Variants in WARS2 observed in about 807,000 individuals in gnomAD.
The protein encoded by WARS2 is tryptophanyl tRNA synthetase 2, mitochondrial, also known as tryptophan--tRNA ligase, mitochondrial.
Under a neutral mutation model 36.5 loss-of-function variants are expected in WARS2, and 28 were observed. The ratio of observed to expected loss-of-function variants is 0.77; its 90% CI spans 0.57 to 1.05. WARS2 has a LOEUF of 1.05. Ranked by LOEUF, WARS2 falls within the 50% of genes least tolerant of loss-of-function variation. The pLI is 0.00. For missense variants in WARS2, 435 were observed against 456.8 expected (o/e 0.95, Z 0.44); for synonymous variants, 174 against 178.4 (o/e 0.98, Z 0.20).
chr1:119,097,281 TTTATATAACAAAGTATTTTTCAAG>T (rs1200535440), intron 1 of WARS2, among the ~76,000 whole-genome samples: 11 of 152,316 alleles, frequency 7.2e-5, no homozygotes, highest in African/African-American at 1.9e-4. Flanking sequence ...GATCAGATGT[TTTATATAACAAAGTATTTTTCAAG>T]TTCTCTCATA....
chr1:119,047,982 A>G (rs928303805), intron 2 of WARS2, among the ~76,000 whole-genome samples: 1 of 152,234 alleles, frequency 6.6e-6, no homozygotes, highest in Non-Finnish European at 1.5e-5. Flanking sequence ...AACTTGGTAC[A>G]TTGCATGTCC....
intron 1 of WARS2, among the ~76,000 whole-genome samples, chr1:119,076,839 C>T (rs72707304): frequency 7.2e-5 from 11 of 152,116 alleles, no homozygotes; most frequent in Non-Finnish European, 1.3e-4. Flanking sequence ...AATGCAAAGA[C>T]ATATAAGAAA....
chr1:119,087,183 T>A (rs1571339935), intron 1 of WARS2, among the ~76,000 whole-genome samples: 1 of 152,184 alleles, frequency 6.6e-6, no homozygotes, highest in African/African-American at 2.4e-5. Context: ...ATTTGCTCCA[T>A]AGATATATTT....
At position 119,139,321 on chromosome 1, in the gene WARS2, A is replaced by G. The variant is rs143369667; in HGVS notation, c.90+1234T>C. On this transcript the variant is annotated intron_variant, in intron 1 of 5. Coordinates refer to ENST00000235521, the MANE Select transcript of WARS2 (RefSeq NM_015836.4). The stretch of plus-strand genomic sequence containing the variant: ...AGCTTATAAGAATTTTGTGAGGCTC[A>G]CATTAATAAAAAACGGAAGTTCAAA... Among the ~76,000 whole-genome samples, 1,176 of 152,354 alleles carry G rather than the reference A, an allele frequency of 7.7e-3. 13 individuals carry two copies. Among genetic ancestry groups the G allele is most frequent in the African/African-American group, 0.027 (1,117 of 41,576 alleles).
intron 3 of WARS2, among the ~76,000 whole-genome samples, chr1:119,044,891 A>C (rs1277307547): frequency 6.6e-6 from 1 of 152,152 alleles, no homozygotes; most frequent in Non-Finnish European, 1.5e-5. Flanking sequence ...TGTCACTTTA[A>C]AGCTTTATCT....
chr1:119,044,794 C>A (rs866236435), intron 3 of WARS2, among the ~76,000 whole-genome samples: 1 of 152,286 alleles, frequency 6.6e-6, no homozygotes, highest in East Asian at 1.9e-4. Flanking sequence ...CTCACAAAGG[C>A]CCTACCTCCT....
intron 2 of WARS2, among the ~76,000 whole-genome samples, chr1:119,049,860 A>G (rs1467839063): frequency 1.3e-5 from 2 of 152,204 alleles, no homozygotes; most frequent in East Asian, 3.8e-4. Context: ...AGTGTGAGAC[A>G]CCATCAATCC....
intron 1 of WARS2, among the ~76,000 whole-genome samples, chr1:119,084,181 AT>A (rs67263581): frequency 6.7e-6 from 1 of 149,140 alleles, no homozygotes; most frequent in Non-Finnish European, 1.5e-5. Context: ...ACGTCGGCTA[AT>A]TTTTTTTTTG....
chr1:119,054,852 A>C (rs1211507867), intron 2 of WARS2, among the ~76,000 whole-genome samples: 1 of 152,210 alleles, frequency 6.6e-6, no homozygotes, highest in Non-Finnish European at 1.5e-5. Context: ...TTGAGTAGTC[A>C]AACTCATAGA....
intron 1 of WARS2, among the ~76,000 whole-genome samples, chr1:119,138,998 TTCTC>T (rs1553183754): frequency 6.6e-6 from 1 of 152,186 alleles, no homozygotes; most frequent in Non-Finnish European, 1.5e-5. Flanking sequence ...TGTCTTTTTT[TTCTC>T]TCTCTCTTTG....
intron 1 of WARS2, among the ~76,000 whole-genome samples, chr1:119,095,251 T>C (rs1294483122): frequency 6.6e-6 from 1 of 152,200 alleles, no homozygotes; most frequent in Non-Finnish European, 1.5e-5. Flanking sequence ...CAGAAATCCA[T>C]TGTGAGACAC....
chr1:119,075,888 A>C (rs1651687477), intron 2 of WARS2, among the ~76,000 whole-genome samples: 1 of 144,508 alleles, frequency 6.9e-6, no homozygotes, highest in South Asian at 2.1e-4. Flanking sequence ...CTTCTCAAAA[A>C]CTATTATAAA....
chr1:119,064,625 A>T, intron 2 of WARS2: 1 of 155,110 alleles, frequency 6.4e-6, no homozygotes, highest in East Asian at 1.9e-4. Flanking sequence ...ATAGTGAATA[A>T]GTCTCACCAG....
At chr1:119,051,477 G>A (rs1649347175) in intron 2 of WARS2, among the ~76,000 whole-genome samples, 1 of 152,144 alleles carries the variant, frequency 6.6e-6, no homozygotes, top group African/African-American at 2.4e-5. Flanking sequence ...CTTTGCTACT[G>A]TGAATAGTGT....
chr1:119,066,615 A>G (rs1650896852), intron 2 of WARS2, among the ~76,000 whole-genome samples: 1 of 152,216 alleles, frequency 6.6e-6, no homozygotes, highest in South Asian at 2.1e-4. Flanking sequence ...AAAAGATATG[A>G]GCAAACAATT....
chr1:119,123,392 A>T (rs1255660005), intron 1 of WARS2, among the ~76,000 whole-genome samples: 2 of 151,912 alleles, frequency 1.3e-5, no homozygotes, highest in Non-Finnish European at 2.9e-5. Context: ...GCTTTAATGA[A>T]CTCCCTTTGC....
At chr1:119,069,781 G>GGAAT (rs747947161) in intron 2 of WARS2, among the ~76,000 whole-genome samples, 1 of 152,128 alleles carries the variant, frequency 6.6e-6, no homozygotes, top group Non-Finnish European at 1.5e-5. Context: ...TGCCTTGTGG[G>GGAAT]GAATGAACTG....
chr1:119,088,641 T>C lies in WARS2; in HGVS notation c.91-12034A>G, dbSNP rs587772064. 9.8e-5 allele frequency among the ~76,000 whole-genome samples: 15 copies of C among 152,332 alleles called. No individual in the cohort carries two copies. In the South Asian group the frequency reaches 2.7e-3, roughly 27 times the overall value. ...CGAAGGACAGAAGATTATGACGCTGTGGTCGTAGCCTCTATGCTGGTGAGA... is the reference window on the plus strand; with the variant it reads ...CGAAGGACAGAAGATTATGACGCTGCGGTCGTAGCCTCTATGCTGGTGAGA... On this transcript the variant is annotated intron_variant, in intron 1 of 5. Coordinates refer to ENST00000235521, the MANE Select transcript of WARS2 (RefSeq NM_015836.4).
chr1:119,087,625 A>G (rs1652766133), intron 1 of WARS2, among the ~76,000 whole-genome samples: 1 of 152,230 alleles, frequency 6.6e-6, no homozygotes, highest in Non-Finnish European at 1.5e-5. Context: ...CCAGAAATCT[A>G]TTCAGTGGTG....
Sources: allele counts gnomAD v4.1 joint callset (sites outside exome capture counted in the v4.1 genomes callset), GRCh38; gene constraint gnomAD v4.1.1; transcripts MANE v1.5; gene names NCBI Gene and HGNC (gene_info 2026-07-23, HGNC 2026-07-21).